Variants in SLC9A4 observed in about 807,000 individuals in gnomAD.
SLC9A4 encodes the protein solute carrier family 9 member A4, also known as sodium/hydrogen exchanger 4.
A neutral mutation model predicts 67.4 loss-of-function variants in SLC9A4; 63 were observed. That is an observed-to-expected ratio of 0.93 (90% CI 0.76 to 1.15). SLC9A4 has a LOEUF of 1.15. Among genes scored for constraint, SLC9A4 ranks in the 50% most tolerant of loss-of-function variants. The pLI is 0.00. For synonymous variants in SLC9A4, 393 were observed against 367.2 expected (o/e 1.07, Z -0.80); for missense variants, 1,089 against 987.7 (o/e 1.10, Z -1.38).
chr2:102,530,494 G>A (rs1164015778), intron 11 of SLC9A4, among the ~76,000 whole-genome samples: 2 of 152,132 alleles, frequency 1.3e-5, no homozygotes, highest in Non-Finnish European at 2.9e-5. Flanking sequence ...GCTCTCAGCC[G>A]AGTGAAACTT....
chr2:102,505,500 C>A (rs1217415538), intron 4 of SLC9A4, 29 bp downstream of exon 4: 2 of 1,598,256 alleles, frequency 1.3e-6, no homozygotes, highest in African/African-American at 1.3e-5. Context: ...CCAGAGTCTC[C>A]GGTCCTGCTG....
chr2:102,519,206 G>T (rs2104444539), intron 8 of SLC9A4, among the ~76,000 whole-genome samples: 1 of 152,256 alleles, frequency 6.6e-6, no homozygotes, highest in East Asian at 1.9e-4. Flanking sequence ...TTAGAGCTGG[G>T]CTGGCTTTCA....
intron 2 of SLC9A4, among the ~76,000 whole-genome samples, chr2:102,481,907 T>A (rs986803757): frequency 2.1e-4 from 31 of 144,356 alleles, no homozygotes; most frequent in Middle Eastern, 3.8e-3. Context: ...TTTTTTTTTT[T>A]AAACTTTATG....
chr2:102,485,948 C>T (rs1427811708), intron 2 of SLC9A4, among the ~76,000 whole-genome samples: 1 of 152,188 alleles, frequency 6.6e-6, no homozygotes, highest in Non-Finnish European at 1.5e-5. Context: ...CTCTCTTTCC[C>T]CACACCTTGT....
intron 9 of SLC9A4, among the ~76,000 whole-genome samples, chr2:102,524,480 A>T (rs1674615920): frequency 6.6e-6 from 1 of 151,704 alleles, no homozygotes; most frequent in Non-Finnish European, 1.5e-5. Context: ...TGTTTTTTTT[A>T]AATCTCAAAT....
chr2:102,501,135 T>C (rs1370971286), intron 2 of SLC9A4, among the ~76,000 whole-genome samples: 4 of 151,778 alleles, frequency 2.6e-5, no homozygotes, highest in Admixed American at 6.6e-5. Context: ...ATTTTTTTTT[T>C]TCAAGAGATG....
chr2:102,499,063 T>C (rs144862743), intron 2 of SLC9A4, among the ~76,000 whole-genome samples: 26 of 152,296 alleles, frequency 1.7e-4, no homozygotes, highest in African/African-American at 6.3e-4. Flanking sequence ...CTGTCTTTGC[T>C]GCACTTCTTA....
chr2:102,499,782 C>T (rs1362121629), intron 2 of SLC9A4, among the ~76,000 whole-genome samples: 3 of 152,196 alleles, frequency 2.0e-5, no homozygotes, highest in Admixed American at 6.5e-5. Flanking sequence ...CTACTGGTTA[C>T]TTATTACATT....
intron 2 of SLC9A4, among the ~76,000 whole-genome samples, chr2:102,485,137 C>T (rs1281487998): frequency 6.6e-6 from 1 of 152,200 alleles, no homozygotes; most frequent in African/African-American, 2.4e-5. Context: ...TGTACTGACC[C>T]TTCTCGGTCC....
At chr2:102,490,943 C>T (rs371229214) in intron 2 of SLC9A4, among the ~76,000 whole-genome samples, 3 of 152,212 alleles carry the variant, frequency 2.0e-5, no homozygotes, top group Admixed American at 2.0e-4. Flanking sequence ...TTGAACATTG[C>T]TGGTCACTGT....
At chr2:102,499,379 G>A (rs12987295) in intron 2 of SLC9A4, among the ~76,000 whole-genome samples, 107,758 of 152,104 alleles carry the variant, frequency 0.71, 38,903 homozygotes, top group Middle Eastern at 0.77. Context: ...TTTTGTGGGG[G>A]TTTCCCTTTG....
intron 2 of SLC9A4, among the ~76,000 whole-genome samples, chr2:102,487,209 C>T (rs1684606434): frequency 1.1e-5 from 1 of 89,156 alleles, no homozygotes; most frequent in South Asian, 3.1e-4. Context: ...GTGTGTGTCA[C>T]AGGCAGAGGG....
intron 2 of SLC9A4, among the ~76,000 whole-genome samples, chr2:102,483,925 A>AT (rs1255733762): frequency 1.3e-5 from 2 of 149,242 alleles, no homozygotes; most frequent in African/African-American, 4.9e-5. Context: ...ATATATTAAC[A>AT]TATTAGCATA....
chr2:102,501,293 T>TC (rs11446844), intron 2 of SLC9A4, among the ~76,000 whole-genome samples: 3 of 151,532 alleles, frequency 2.0e-5, no homozygotes, highest in Non-Finnish European at 4.4e-5. Flanking sequence ...GGCTAAATTT[T>TC]GTATTTTAGT....
intron 1 of SLC9A4, among the ~76,000 whole-genome samples, chr2:102,474,690 C>G (rs931359540): frequency 6.6e-6 from 1 of 152,166 alleles, no homozygotes; most frequent in African/African-American, 2.4e-5. Context: ...TGTCAAAAAC[C>G]AAAGAGGTGG....
At chr2:102,501,417 G>T (rs1335831072) in intron 2 of SLC9A4, among the ~76,000 whole-genome samples, 2 of 151,736 alleles carry the variant, frequency 1.3e-5, no homozygotes, top group Non-Finnish European at 2.9e-5. Context: ...CTAATTTTTT[G>T]AATTTTTAGT....
At chr2:102,521,103 C>T (rs1385623238) in intron 9 of SLC9A4, among the ~76,000 whole-genome samples, 2 of 152,156 alleles carry the variant, frequency 1.3e-5, no homozygotes, top group Non-Finnish European at 2.9e-5. Flanking sequence ...ATAACAACTT[C>T]CTGGTTTGAA....
At chr2:102,519,533 A>T (rs1685352085) in intron 8 of SLC9A4, among the ~76,000 whole-genome samples, 1 of 152,136 alleles carries the variant, frequency 6.6e-6, no homozygotes, top group African/African-American at 2.4e-5. Context: ...CTAACAATTG[A>T]TTTTTATTGT....
chr2:102,474,049 C>T (rs760594857), intron 1 of SLC9A4, 34 bp downstream of exon 1: 116 of 1,600,756 alleles, frequency 7.2e-5, no homozygotes, highest in Non-Finnish European at 9.6e-5. Context: ...GGTGAGTTAT[C>T]TTTTTACATA....
Sources: gnomAD v4.1 joint callset for allele counts (sites outside exome capture counted in the v4.1 genomes callset) on GRCh38, gnomAD v4.1.1 for gene constraint, MANE v1.5 for transcripts, NCBI Gene and HGNC (gene_info 2026-07-23, HGNC 2026-07-21) for gene names.